PPFIA1: variants seen among roughly 807,000 people sequenced by gnomAD.
The protein encoded by PPFIA1 is PPFI scaffold protein A1, also known as liprin-alpha-1.
A neutral mutation model predicts 149.9 loss-of-function variants in PPFIA1; 25 were observed. The ratio of observed to expected loss-of-function variants is 0.17; its 90% CI spans 0.12 to 0.23. The LOEUF (loss-of-function observed/expected upper bound fraction) is 0.23, where lower values mean the gene tolerates loss of function less well. Ranked by LOEUF, PPFIA1 falls within the 10% of genes least tolerant of loss-of-function variation. The probability of loss-of-function intolerance (pLI) is 1.00; values close to 1 mark genes in which losing one functional copy is unlikely to be tolerated. For missense variants in PPFIA1, 1,362 were observed against 1,506.5 expected, an observed-to-expected ratio of 0.90 and a Z score of 1.59; for synonymous variants, 549 against 552.8, an observed-to-expected ratio of 0.99 and a Z score of 0.10.
At position 70,332,043 on chromosome 11, in the gene PPFIA1, G is replaced by A. The variant is rs202040644; in HGVS notation, c.1161G>A (p.Thr387=). The change falls in exon 9 of 28, where the codon ACG becomes ACA. Residue 387 remains threonine (T), a synonymous_variant. Coordinates refer to ENST00000253925, the MANE Select transcript of PPFIA1 (RefSeq NM_003626.5). ...AACAGACACTGAGGAAGGCAGAGAC[G>A]CTCCCGGAGGTGGAGGCGGAGCTGG... ...KLQQTLRKAE[T]LPEVEAELAQ... The A allele has an allele frequency of 2.5e-5, 41 of 1,612,662 alleles. No homozygotes were observed. Among genetic ancestry groups the A allele is most frequent in the South Asian group, 8.8e-5 (8 of 90,944 alleles).
intron 19 of PPFIA1, among the ~76,000 whole-genome samples, chr11:70,361,611 G>A (rs992890624): frequency 6.7e-6 from 1 of 150,322 alleles, no homozygotes; most frequent in Non-Finnish European, 1.5e-5. Flanking sequence ...GTTTTTGCTG[G>A]TTGTAATTTT....
chr11:70,356,064 T>G, intron 18 of PPFIA1, 97 bp from the exon 19 acceptor site: 3 of 1,128,084 alleles, frequency 2.7e-6, no homozygotes, highest in Non-Finnish European at 4.0e-6. Context: ...AAGAAATGAT[T>G]TAAATCTGAA....
intron 21 of PPFIA1, chr11:70,371,848 A>G (rs2057283290): frequency 6.3e-6 from 1 of 157,510 alleles, no homozygotes; most frequent in Non-Finnish European, 1.4e-5. Flanking sequence ...AGATAATTTT[A>G]GTGAGCAGTG....
chr11:70,274,719 A>G (rs547638487), intron 2 of PPFIA1, among the ~76,000 whole-genome samples: 176 of 151,896 alleles, frequency 1.2e-3, no homozygotes, highest in Non-Finnish European at 1.9e-3. Context: ...GCAGATGTCT[A>G]TAAACTTTTT....
At chr11:70,286,823 C>T (rs1046732703) in intron 2 of PPFIA1, among the ~76,000 whole-genome samples, 2 of 140,520 alleles carry the variant, frequency 1.4e-5, no homozygotes, top group East Asian at 2.1e-4. Flanking sequence ...GTGGTGTGAT[C>T]GGGCTCAAGC....
intron 7 of PPFIA1, chr11:70,327,161 A>G (rs772527613): frequency 2.4e-4 from 57 of 236,932 alleles, no homozygotes; most frequent in Admixed American, 4.7e-4. Flanking sequence ...TGCAATTTCT[A>G]GGCTGTCTTA....
At chr11:70,316,093 CAG>C (rs1318740515) in intron 2 of PPFIA1, among the ~76,000 whole-genome samples, 9 of 151,926 alleles carry the variant, frequency 5.9e-5, no homozygotes, top group African/African-American at 2.2e-4. Context: ...TTCTTTGAGA[CAG>C]AGTTTGGCTC....
At chr11:70,345,971 G>C (rs926085756) in intron 15 of PPFIA1, 2 of 455,284 alleles carry the variant, frequency 4.4e-6, no homozygotes, top group African/African-American at 2.0e-5. Flanking sequence ...TCCTTTCCCT[G>C]TGTGAAGTTA....
intron 2 of PPFIA1, among the ~76,000 whole-genome samples, chr11:70,310,524 TAC>T (rs2053193263): frequency 6.6e-6 from 1 of 151,952 alleles, no homozygotes; most frequent in South Asian, 2.1e-4. Flanking sequence ...TAGCTGGGAC[TAC>T]AGGTGCGCGC....
At chr11:70,347,545 A>AG in intron 15 of PPFIA1, among the ~76,000 whole-genome samples, 1 of 152,202 alleles carries the variant, frequency 6.6e-6, no homozygotes, top group South Asian at 2.1e-4. Context: ...CTACAAAAAA[A>AG]ATTTTAAAAG....
chr11:70,273,306 G>A (rs1183994965), intron 2 of PPFIA1, among the ~76,000 whole-genome samples: 1 of 152,122 alleles, frequency 6.6e-6, no homozygotes, highest in Admixed American at 6.5e-5. Context: ...TTGTTTCTCT[G>A]AGTATGTTAC....
chr11:70,325,078 G>T, intron 4 of PPFIA1, 67 bp downstream of exon 4: 1 of 1,423,134 alleles, frequency 7.0e-7, no homozygotes, highest in South Asian at 1.6e-5. Flanking sequence ...CACAAGTGTT[G>T]GTGTAACTTT....
chr11:70,295,846 G>C (rs1291330509), intron 2 of PPFIA1, among the ~76,000 whole-genome samples: 1 of 151,742 alleles, frequency 6.6e-6, no homozygotes, highest in Non-Finnish European at 1.5e-5. Context: ...CTTCCCAGAC[G>C]GGGTGGCTGC....
intron 2 of PPFIA1, among the ~76,000 whole-genome samples, chr11:70,310,249 G>A (rs1206684152): frequency 2.0e-5 from 3 of 152,156 alleles, no homozygotes; most frequent in Admixed American, 6.5e-5. Flanking sequence ...AAGAGACCAC[G>A]TCTTGAATTA....
Position 70,271,999 on chromosome 11 carries a change from G to C in PPFIA1, c.1-174G>C, listed in dbSNP as rs2050123801. ...TAATGTCTTCATGTTGTGTATTTTT[G>C]CACTTAATATTTGCCCTGTGTATGT... On this transcript the variant is annotated intron_variant, in intron 1 of 27. Transcript: ENST00000253925. 8.1e-6 allele frequency: 6 copies of C among 736,214 alleles called. No homozygotes were observed. In the East Asian group the frequency reaches 1.5e-4, roughly 18 times the overall value. The allele number at this position is 736,214 out of a possible 1,614,324, so 45.6% of individuals were successfully genotyped here.
intron 16 of PPFIA1, among the ~76,000 whole-genome samples, chr11:70,350,570 G>A (rs1591308196): frequency 6.6e-6 from 1 of 152,148 alleles, no homozygotes; most frequent in African/African-American, 2.4e-5. Context: ...TGTCCAACAG[G>A]TGATTAACTA....
chr11:70,333,083 C>A (rs1442524143), intron 9 of PPFIA1: 2 of 462,370 alleles, frequency 4.3e-6, no homozygotes, highest in East Asian at 1.4e-4. Context: ...GAACTTACTT[C>A]CAAGCTTAGG....
At chr11:70,307,592 G>A (rs185881104) in intron 2 of PPFIA1, among the ~76,000 whole-genome samples, 363 of 152,178 alleles carry the variant, frequency 2.4e-3, no homozygotes, top group African/African-American at 8.1e-3. Context: ...AAAAAATTAA[G>A]TACTTTTTCT....
chr11:70,382,471 C>A (rs559041414), intron 27 of PPFIA1, among the ~76,000 whole-genome samples: 2 of 152,034 alleles, frequency 1.3e-5, no homozygotes, highest in Non-Finnish European at 2.9e-5. Context: ...GAGAGCAGAG[C>A]ATGGCAGAGA....
Sources: gnomAD v4.1 joint callset for allele counts (sites outside exome capture counted in the v4.1 genomes callset) on GRCh38, gnomAD v4.1.1 for gene constraint, MANE v1.5 for transcripts, NCBI Gene and HGNC (gene_info 2026-07-23, HGNC 2026-07-21) for gene names.